XPO5: variants seen among roughly 807,000 people sequenced by gnomAD.
XPO5 encodes the protein exportin 5, also known as exportin-5.
Under a neutral mutation model 160.6 loss-of-function variants are expected in XPO5, and 46 were observed. That is an observed-to-expected ratio of 0.29 (90% CI 0.23 to 0.37). The LOEUF is 0.37. XPO5 is among the 10% of genes least tolerant of loss of function. XPO5 has a pLI of 1.00. For missense variants in XPO5, 1,090 were observed against 1,463.9 expected (o/e 0.74, Z 4.17); for synonymous variants, 537 against 519.3 (o/e 1.03, Z -0.46).
At chr6:43,557,009 T>C (rs918628007) in intron 12 of XPO5, among the ~76,000 whole-genome samples, 2 of 151,668 alleles carry the variant, frequency 1.3e-5, no homozygotes, top group African/African-American at 4.8e-5. Flanking sequence ...ATGCCTATAA[T>C]CCCAGTTACT....
chr6:43,555,757 T>C (rs757738997), intron 13 of XPO5, 79 bp downstream of exon 13: 62 of 1,569,032 alleles, frequency 4.0e-5, no homozygotes, highest in Non-Finnish European at 5.4e-5. Context: ...GATGTGTGTA[T>C]AGCTCAGGCT....
Position 43,536,758 on chromosome 6 carries a change from T to TAAAAAAAAAAAAAAA in XPO5, c.2343-2766_2343-2752dup, listed in dbSNP as rs1156884252. Among the ~76,000 whole-genome samples, 5 of 19,100 alleles carry TAAAAAAAAAAAAAAA rather than the reference T, an allele frequency of 2.6e-4. 2 individuals are homozygous for TAAAAAAAAAAAAAAA. Among genetic ancestry groups the TAAAAAAAAAAAAAAA allele is most frequent in the African/African-American group, 4.9e-4 (2 of 4,094 alleles). The allele number at this position is 19,100 out of a possible 152,430, so 12.5% of individuals were successfully genotyped here. On this transcript the variant is annotated intron_variant, in intron 20 of 31. Coordinates refer to ENST00000265351, the MANE Select transcript of XPO5 (RefSeq NM_020750.3). ...CTGGACGACAGAGTGAGACTCTATCTAAAAAAAAAAAAAAAAAAAAAAAAA... is the reference window on the plus strand; with the variant it reads ...CTGGACGACAGAGTGAGACTCTATCTAAAAAAAAAAAAAAAAAAAAAAAAAAAAAAAAAAAAAAAA...
chr6:43,551,153 G>GGGTGAGGTGTGAGGATCCCT, intron 15 of XPO5, 145 bp downstream of exon 15: 2 of 752,888 alleles, frequency 2.7e-6, no homozygotes, highest in Non-Finnish European at 4.0e-6. Flanking sequence ...CTACTCAGAA[G>GGGTGAGGTGTGAGGATCCCT]GGTGAGGTGT....
At chr6:43,552,872 A>T (rs1291760311) in intron 14 of XPO5, among the ~76,000 whole-genome samples, 1 of 152,074 alleles carries the variant, frequency 6.6e-6, no homozygotes, top group Non-Finnish European at 1.5e-5. Context: ...ATGTATACTA[A>T]ATGTGGTAGT....
At chr6:43,567,419 T>C in intron 6 of XPO5, 65 bp from the exon 7 acceptor site, 1 of 1,405,310 alleles carries the variant, frequency 7.1e-7, no homozygotes, top group Non-Finnish European at 9.5e-7. Flanking sequence ...TCAGTGGTTA[T>C]AACTGAACTC....
chr6:43,538,771 CTTTTTTTT>C, intron 20 of XPO5: 1 of 532,674 alleles, frequency 1.9e-6, no homozygotes, highest in Non-Finnish European at 3.1e-6. Flanking sequence ...CTACATTTTT[CTTTTTTTT>C]TTTCCCACGC....
chr6:43,543,467 A>G (rs1478305760), intron 20 of XPO5, among the ~76,000 whole-genome samples: 7 of 152,096 alleles, frequency 4.6e-5, no homozygotes, highest in Non-Finnish European at 1.0e-4. Flanking sequence ...GTAAGTAAGT[A>G]AGTAAATAAA....
chr6:43,535,860 C>T (rs564893995), intron 20 of XPO5, among the ~76,000 whole-genome samples: 8 of 149,716 alleles, frequency 5.3e-5, no homozygotes, highest in South Asian at 4.2e-4. Context: ...CAGTGGCTCA[C>T]GCCTGTAATC....
At chr6:43,530,917 A>T (rs1318945121) in intron 22 of XPO5, 93 bp from the exon 23 acceptor site, 6 of 1,451,848 alleles carry the variant, frequency 4.1e-6, no homozygotes, top group Non-Finnish European at 5.5e-6. Flanking sequence ...AGCCTACAAT[A>T]AGGTTTTTCA....
chr6:43,539,470 C>A lies in XPO5; in HGVS notation c.2343-5463G>T, dbSNP rs1794560573. On this transcript the variant is annotated intron_variant, in intron 20 of 31. Transcript: ENST00000265351. ...GCAGGGAGAAGAGATAGATCTCCTCCAGGGACTTGATCTTCATGTCCTTGA... is the reference window on the plus strand; with the variant it reads ...GCAGGGAGAAGAGATAGATCTCCTCAAGGGACTTGATCTTCATGTCCTTGA... 27 of 1,577,396 alleles carry A rather than the reference C, an allele frequency of 1.7e-5. No individual in the cohort carries two copies. In the South Asian group the frequency reaches 2.9e-4, roughly 17 times the overall value.
rs540653050 is a variant in XPO5, at chr6:43,522,761, C to T, written c.*1107G>A. ...AACAGGTCTGTTTTTGTGCAGAGCA[C>T]ATGGACACACTGGTTTCTGTATGGA... On this transcript the variant is annotated 3_prime_UTR_variant, in exon 32 of 32. Transcript: ENST00000265351. 4.2e-6 allele frequency: 2 copies of T among 479,256 alleles called. No homozygotes were observed. Among genetic ancestry groups the T allele is most frequent in the East Asian group, 1.2e-4 (2 of 16,560 alleles). The allele number at this position is 479,256 out of a possible 1,614,324, so 29.7% of individuals were successfully genotyped here.
At chr6:43,526,825 C>A in intron 26 of XPO5, 78 bp from the exon 27 acceptor site, 1 of 1,462,674 alleles carries the variant, frequency 6.8e-7, no homozygotes, top group Non-Finnish European at 9.4e-7. Flanking sequence ...CCACTGATCC[C>A]AACCTGTCTC....
At chr6:43,567,027 A>G in intron 7 of XPO5, 142 bp downstream of exon 7, 1 of 779,470 alleles carries the variant, frequency 1.3e-6, no homozygotes, top group Non-Finnish European at 2.0e-6. Flanking sequence ...CTCCTGTCCA[A>G]GGGGGTTGGA....
At chr6:43,535,626 T>C (rs1390422484) in intron 20 of XPO5, among the ~76,000 whole-genome samples, 1 of 149,128 alleles carries the variant, frequency 6.7e-6, no homozygotes, top group Non-Finnish European at 1.5e-5. Flanking sequence ...CTGGGTAACA[T>C]GGTGAAACCC....
intron 19 of XPO5, 77 bp from the exon 20 acceptor site, chr6:43,546,829 A>G: frequency 7.2e-7 from 1 of 1,381,406 alleles, no homozygotes; most frequent in African/African-American, 1.5e-5. Context: ...GATATATTCA[A>G]GGTTCTGGCA....
chr6:43,546,637 G>A lies in XPO5; in HGVS notation c.2276C>T (p.Pro759Leu), dbSNP rs752581477. 6.2e-7 allele frequency: 1 copy of A among 1,613,908 alleles called. No homozygotes were observed. The highest frequency in any genetic ancestry group is 8.5e-7 in the Non-Finnish European group (1 of 1,179,862). The change falls in exon 20 of 32, where the codon CCA becomes CTA. Residue 759 changes from proline (P) to leucine (L), a missense_variant. Physicochemically the swap from Pro to Leu is moderately conservative, Grantham distance 98. This residue lies in a region of XPO5 where 810 missense variants were observed against 1,139.0 expected (regional missense o/e 0.71). Coordinates refer to ENST00000265351, the MANE Select transcript of XPO5 (RefSeq NM_020750.3). ...CTCTGTGCAGGGGTTACGGAAGATT[G>A]GATTTCCACTGGATGTATAACCCAC... ...FVVGYTSSGN[P>L]IFRNPCTEQI...
At position 43,536,525 on chromosome 6, in the gene XPO5, G is replaced by C. The variant is rs1013911837; in HGVS notation, c.2343-2518C>G. On this transcript the variant is annotated intron_variant, in intron 20 of 31. Coordinates refer to ENST00000265351, the MANE Select transcript of XPO5 (RefSeq NM_020750.3). ...TGTAATCCCAGCACTTTAGGAAGCC[G>C]AGGTGGGTGGATCACGAGGTCAGGA... is the stretch of plus-strand genomic sequence containing the variant. Among the ~76,000 whole-genome samples the C allele has an allele frequency of 2.0e-5, 3 of 151,620 alleles. No individual in the cohort carries two copies. In the South Asian group the frequency reaches 6.3e-4, roughly 32 times the overall value.
chr6:43,560,098 C>A (rs567933734), intron 11 of XPO5, 80 bp downstream of exon 11: 3 of 1,502,800 alleles, frequency 2.0e-6, no homozygotes, highest in East Asian at 2.4e-5. Flanking sequence ...GGATTATAGG[C>A]GTGAGCCACC....
chr6:43,539,476 C>T, intron 20 of XPO5: 4 of 1,577,814 alleles, frequency 2.5e-6, no homozygotes, highest in Non-Finnish European at 3.4e-6. Flanking sequence ...CCTCCAGGGA[C>T]TTGATCTTCA....
Sources: allele counts gnomAD v4.1 joint callset (sites outside exome capture counted in the v4.1 genomes callset), GRCh38; gene constraint gnomAD v4.1.1; regional missense constraint gnomAD v4.1.1; transcripts MANE v1.5; gene names NCBI Gene and HGNC (gene_info 2026-07-23, HGNC 2026-07-21).